TP73: variants seen among roughly 807,000 people sequenced by gnomAD.
TP73 encodes tumor protein p73.
A neutral mutation model predicts 62.5 loss-of-function variants in TP73; 25 were observed. The observed-to-expected ratio is 0.40, with a 90% confidence interval of 0.29 to 0.56. The LOEUF (loss-of-function observed/expected upper bound fraction) is 0.56. Ranked by LOEUF, TP73 falls within the 20% of genes least tolerant of loss-of-function variation. The pLI is 0.46. For synonymous variants in TP73, 423 were observed against 377.5 expected (o/e 1.12, Z -1.40); for missense variants, 754 against 913.3 (o/e 0.83, Z 2.25).
chr1:3,700,360 C>T lies in TP73; in HGVS notation c.187-7189C>T, dbSNP rs575570119. Among the ~76,000 whole-genome samples, 3 of 152,298 alleles carry T rather than the reference C, an allele frequency of 2.0e-5. No homozygotes were observed. In the East Asian group the frequency reaches 5.8e-4, roughly 29 times the overall value. On this transcript the variant is annotated intron_variant, in intron 3 of 13. Transcript: ENST00000378295. ...ATCTGTCCCCTGTCATCCGATGGCACGGTCGTGACCTCCCATGCCTTGCTT... is the reference window on the plus strand; with the variant it reads ...ATCTGTCCCCTGTCATCCGATGGCATGGTCGTGACCTCCCATGCCTTGCTT...
At chr1:3,723,235 G>A (rs887491842) in intron 5 of TP73, 119 bp from the exon 6 acceptor site, 2 of 751,106 alleles carry the variant, frequency 2.7e-6, no homozygotes, top group African/African-American at 1.8e-5. Flanking sequence ...GTACCTCTCT[G>A]CACCTGACAT....
chr1:3,732,553 C>T (rs1366465652), intron 13 of TP73, among the ~76,000 whole-genome samples, 194 bp from the exon 14 acceptor site: 1 of 150,326 alleles, frequency 6.7e-6, no homozygotes, highest in African/African-American at 2.4e-5. Context: ...GTCTAACACT[C>T]CCAGGTCAGG....
chr1:3,730,954 A>G lies in TP73; in HGVS notation c.1373A>G (p.His458Arg), dbSNP rs1257216713. 1.2e-6 allele frequency: 2 copies of G among 1,610,574 alleles called. No homozygotes were observed. Among genetic ancestry groups the G allele is most frequent in the Non-Finnish European group, 1.7e-6 (2 of 1,179,152 alleles). Residue 458 changes from histidine to arginine, a missense_variant, in exon 12 of 14, where the codon CAC becomes CGC. Physicochemically the swap from His to Arg is conservative, Grantham distance 29. This residue lies in a region of TP73 where 458 missense variants were observed against 528.7 expected (regional missense o/e 0.87). Coordinates refer to ENST00000378295, the MANE Select transcript of TP73 (RefSeq NM_005427.4). Reference sequence around the variant, plus strand: ...CCCGGGATGCTCAACAACCATGGCCACGCAGTGCCAGCCAACGGCGAGATG... The same window carrying G: ...CCCGGGATGCTCAACAACCATGGCCGCGCAGTGCCAGCCAACGGCGAGATG... Reference protein sequence around the residue: ...VGPGMLNNHGHAVPANGEMSS... With the variant: ...VGPGMLNNHGRAVPANGEMSS...
At chr1:3,729,100 G>A (rs981503959) in intron 9 of TP73, among the ~76,000 whole-genome samples, 2 of 152,224 alleles carry the variant, frequency 1.3e-5, no homozygotes, top group African/African-American at 2.4e-5. Context: ...CAAGGAGCAG[G>A]CATGGTTCTT....
chr1:3,698,280 C>G (rs1165564020), intron 3 of TP73: 1 of 208,740 alleles, frequency 4.8e-6, no homozygotes, highest in East Asian at 1.8e-4. Flanking sequence ...CGTGTGTGAG[C>G]TGTGCCTTCC....
intron 6 of TP73, among the ~76,000 whole-genome samples, chr1:3,724,997 G>A (rs944178536): frequency 2.0e-5 from 3 of 151,958 alleles, no homozygotes; most frequent in South Asian, 2.1e-4. Context: ...CCAGCCTGGG[G>A]GACAGAGAGA....
intron 3 of TP73, among the ~76,000 whole-genome samples, chr1:3,702,197 G>T (rs1219066634): frequency 1.3e-5 from 2 of 152,158 alleles, no homozygotes; most frequent in Non-Finnish European, 2.9e-5. Flanking sequence ...TCAGGGCTGG[G>T]CTGAGCTCTG....
chr1:3,677,221 G>C (rs895343553), intron 1 of TP73, among the ~76,000 whole-genome samples: 12 of 152,160 alleles, frequency 7.9e-5, no homozygotes, highest in Non-Finnish European at 1.3e-4. Flanking sequence ...GTGTGTGGGG[G>C]CTCTCCCTGT....
At chr1:3,723,816 G>A (rs1011812052) in intron 6 of TP73, among the ~76,000 whole-genome samples, 7 of 152,236 alleles carry the variant, frequency 4.6e-5, no homozygotes, top group African/African-American at 1.7e-4. Context: ...AGGGATTTGG[G>A]AGATGGGGAG....
At chr1:3,714,654 C>T (rs1245019151) in intron 4 of TP73, among the ~76,000 whole-genome samples, 1 of 152,258 alleles carries the variant, frequency 6.6e-6, no homozygotes, top group Non-Finnish European at 1.5e-5. Context: ...CTCCAGCTGG[C>T]GCTGTCAAAA....
At chr1:3,690,988 C>T (rs374448704) in intron 3 of TP73, 206 of 1,558,842 alleles carry the variant, frequency 1.3e-4, no homozygotes, top group Non-Finnish European at 1.7e-4. Context: ...GGGGACTTTG[C>T]GGGGGATTTT....
intron 9 of TP73, 56 bp from the exon 10 acceptor site, chr1:3,729,271 C>A (rs2254530): frequency 0.67 from 1,081,031 of 1,607,102 alleles, 381,924 homozygotes; most frequent in Non-Finnish European, 0.74. Flanking sequence ...CTGCGGCCAC[C>A]CCCCTCCCGT....
intron 1 of TP73, among the ~76,000 whole-genome samples, chr1:3,671,637 C>G (rs1001174187): frequency 6.6e-6 from 1 of 152,246 alleles, no homozygotes; most frequent in Non-Finnish European, 1.5e-5. Flanking sequence ...CTGAGATGTG[C>G]GGCCCTGGGC....
chr1:3,724,117 G>A (rs1368534794), intron 6 of TP73, among the ~76,000 whole-genome samples: 1 of 140,200 alleles, frequency 7.1e-6, no homozygotes, highest in Non-Finnish European at 1.7e-5. Context: ...TGGCCCAAAG[G>A]CAGCATAAGT....
In TP73 at chr1:3,733,203, G is replaced by A. The variant is rs1642273582; in HGVS notation, c.*124G>A. The A allele has an allele frequency of 1.7e-6, 2 of 1,198,114 alleles. No individual in the cohort carries two copies. Among genetic ancestry groups the A allele is most frequent in the Non-Finnish European group, 2.3e-6 (2 of 881,074 alleles). The allele number at this position is 1,198,114 out of a possible 1,614,324, so 74.2% of individuals were successfully genotyped here. A position where few individuals can be genotyped will look rare whatever the true frequency, so the allele number is the denominator to read the frequency against. ...TCGGGCTGTGCCCGGGGAAAGGCAA[G>A]GTCCGGCCCATCCCCAGGCACCTCA... On this transcript the variant is annotated 3_prime_UTR_variant, in exon 14 of 14. Coordinates refer to ENST00000378295, the MANE Select transcript of TP73 (RefSeq NM_005427.4).
rs1645273629 is a variant in TP73 at position 3,672,872 on chromosome 1, C to T, written c.-33-9461C>T. On this transcript the variant is annotated intron_variant, in intron 1 of 13. Coordinates refer to ENST00000378295, the MANE Select transcript of TP73 (RefSeq NM_005427.4). This position sits in a 1 kb window ranked among gnomAD's most constrained non-coding sequence, Gnocchi z 5.3. Reference sequence around the variant, plus strand: ...CTTAGAGGAAGCTCAGCCCATCAGGCCGCTCATGCTTCTGACCCCACCTCC... The same window carrying T: ...CTTAGAGGAAGCTCAGCCCATCAGGTCGCTCATGCTTCTGACCCCACCTCC... Among the ~76,000 whole-genome samples the T allele has an allele frequency of 6.6e-6, 1 of 152,110 alleles. No homozygotes were observed. The highest frequency in any genetic ancestry group is 2.4e-5 in the African/African-American group (1 of 41,412).
chr1:3,673,530 C>T (rs1645291892), intron 1 of TP73, among the ~76,000 whole-genome samples: 1 of 152,228 alleles, frequency 6.6e-6, no homozygotes, highest in East Asian at 1.9e-4. Flanking sequence ...CTCCATTTTA[C>T]AGACAAGGAA....
At chr1:3,674,718 G>A (rs1320653287) in intron 1 of TP73, among the ~76,000 whole-genome samples, 1 of 152,232 alleles carries the variant, frequency 6.6e-6, no homozygotes, top group African/African-American at 2.4e-5. Context: ...AGCCTGCCAA[G>A]CGAGAGCGGC....
At chr1:3,656,848 T>C (rs1246695073) in intron 1 of TP73, among the ~76,000 whole-genome samples, 1 of 152,238 alleles carries the variant, frequency 6.6e-6, no homozygotes, top group Non-Finnish European at 1.5e-5. Flanking sequence ...AAAGCAAATT[T>C]CAGCATTTCC....
Sources: gnomAD v4.1 joint callset for allele counts (sites outside exome capture counted in the v4.1 genomes callset) on GRCh38, gnomAD v4.1.1 for gene constraint, gnomAD v4.1.1 regional missense constraint, Gnocchi (gnomAD v3.1) non-coding constraint, MANE v1.5 for transcripts, NCBI Gene and HGNC (gene_info 2026-07-23, HGNC 2026-07-21) for gene names.